GSE1: variants seen among roughly 807,000 people sequenced by gnomAD.
The protein encoded by GSE1 is Gse1 coiled-coil protein, also known as genetic suppressor element 1.
A neutral mutation model predicts 112.6 loss-of-function variants in GSE1; 32 were observed. The ratio of observed to expected loss-of-function variants is 0.28; its 90% CI spans 0.21 to 0.38. GSE1 has a LOEUF of 0.38. Ranked by LOEUF, GSE1 falls within the 10% of genes least tolerant of loss-of-function variation. The pLI, the probability that GSE1 is intolerant of heterozygous loss-of-function variation, is 1.00. For missense variants in GSE1, 2,348 were observed against 1,699.2 expected (o/e 1.38, Z -6.71); for synonymous variants, 1,115 against 735.6 (o/e 1.52, Z -8.35).
chr16:85,554,952 G>A (rs1024793909), upstream of GSE1: 4 of 985,286 alleles, frequency 4.1e-6, no homozygotes, highest in Admixed American at 6.1e-5. Flanking sequence ...CGGGTTTGGA[G>A]AGGCGAGCCC....
intron 1 of GSE1, among the ~76,000 whole-genome samples, chr16:85,220,133 G>T (rs562052655): frequency 1.4e-3 from 209 of 152,348 alleles, no homozygotes; most frequent in African/African-American, 4.9e-3. Context: ...CTTTCTCAAG[G>T]AGCACGGGGA....
At chr16:85,272,770 C>T (rs1445245981) in intron 1 of GSE1, among the ~76,000 whole-genome samples, 1 of 148,576 alleles carries the variant, frequency 6.7e-6, no homozygotes, top group Non-Finnish European at 1.5e-5. Context: ...TTGTTTTCTT[C>T]TCTTTTCTTT....
At chr16:85,493,114 C>A (rs1183195446) in intron 2 of GSE1, among the ~76,000 whole-genome samples, 1 of 152,138 alleles carries the variant, frequency 6.6e-6, no homozygotes, top group Non-Finnish European at 1.5e-5. Context: ...GCTGGTGAGC[C>A]CTGTGTTCTC....
chr16:85,241,332 G>C (rs955854165), intron 1 of GSE1, among the ~76,000 whole-genome samples: 1 of 152,224 alleles, frequency 6.6e-6, no homozygotes, highest in Non-Finnish European at 1.5e-5. Flanking sequence ...GCACCTGGCA[G>C]TTGCCCCCTG....
chr16:85,305,483 T>C (rs942603742), intron 1 of GSE1, among the ~76,000 whole-genome samples: 49 of 150,756 alleles, frequency 3.3e-4, no homozygotes, highest in African/African-American at 1.2e-3. Flanking sequence ...TTTTTTTGTT[T>C]GTTTGTTTTG....
chr16:85,223,381 A>G (rs1316975424), intron 1 of GSE1, among the ~76,000 whole-genome samples: 1 of 151,674 alleles, frequency 6.6e-6, no homozygotes, highest in Non-Finnish European at 1.5e-5. Context: ...AAATTAACTG[A>G]GTGTAATGTC....
chr16:85,331,533 A>ATGTGTATATG (rs368267189), intron 1 of GSE1, among the ~76,000 whole-genome samples: 1 of 109,900 alleles, frequency 9.1e-6, no homozygotes, highest in East Asian at 2.4e-4. Context: ...ATATGTGTAT[A>ATGTGTATATG]TGTGTATATG....
At position 85,229,772 on chromosome 16, in the gene GSE1, C is replaced by G. The variant is rs369665892; in HGVS notation, c.2283+57965C>G. On this transcript the variant is annotated intron_variant, in intron 1 of 2. Coordinates refer to the GSE1 transcript ENST00000637419. ...ACAACAAATGAGCTTTTCCTTAAATCAGAGTAAATCCAAATGTGATTCTCT... is the reference window on the plus strand; with the variant it reads ...ACAACAAATGAGCTTTTCCTTAAATGAGAGTAAATCCAAATGTGATTCTCT... Among the ~76,000 whole-genome samples, 4 of 152,336 alleles carry G rather than the reference C, an allele frequency of 2.6e-5. No individual in the cohort carries two copies. The East Asian group carries it at 7.7e-4, about 29-fold the overall frequency.
At chr16:85,318,889 G>A (rs1387322188) in intron 1 of GSE1, among the ~76,000 whole-genome samples, 1 of 152,256 alleles carries the variant, frequency 6.6e-6, no homozygotes, top group Non-Finnish European at 1.5e-5. Context: ...AGGGTGAGAT[G>A]TTGGTAAATG....
chr16:85,269,182 A>T (rs35013525), intron 1 of GSE1, among the ~76,000 whole-genome samples: 26,770 of 148,856 alleles, frequency 0.18, 5,153 homozygotes, highest in African/African-American at 0.43. Context: ...ATATGGAGAG[A>T]TGAAAATAAA....
chr16:85,272,842 T>C (rs2144194363), intron 1 of GSE1, among the ~76,000 whole-genome samples: 1 of 151,290 alleles, frequency 6.6e-6, no homozygotes, highest in South Asian at 2.1e-4. Flanking sequence ...AATGACATGA[T>C]CTCTGCTCAC....
intron 13 of GSE1, chr16:85,666,553 A>C (rs1256315313): frequency 5.0e-6 from 3 of 601,628 alleles, no homozygotes; most frequent in Non-Finnish European, 8.8e-6. Flanking sequence ...GTAGGTGAGA[A>C]ACGTTTGTAG....
intron 2 of GSE1, among the ~76,000 whole-genome samples, chr16:85,440,142 G>T (rs1334441974): frequency 6.6e-6 from 1 of 152,244 alleles, no homozygotes; most frequent in Non-Finnish European, 1.5e-5. Flanking sequence ...GTAAATGTTT[G>T]TCGAGTCAGT....
intron 2 of GSE1, among the ~76,000 whole-genome samples, chr16:85,408,019 G>T (rs1412948048): frequency 2.0e-5 from 1 of 50,592 alleles, no homozygotes; most frequent in East Asian, 7.9e-4. Flanking sequence ...AATCCTCACT[G>T]TTACACTCAG....
chr16:85,562,055 G>T (rs1389177051), intron 1 of GSE1, among the ~76,000 whole-genome samples: 2 of 152,360 alleles, frequency 1.3e-5, no homozygotes, highest in South Asian at 4.1e-4. Flanking sequence ...TAGCTGTGGC[G>T]CCGGAGCCAC....
chr16:85,557,180 C>T (rs13337338), intron 1 of GSE1, among the ~76,000 whole-genome samples: 45,475 of 152,010 alleles, frequency 0.3, 7,346 homozygotes, highest in Non-Finnish European at 0.37. Context: ...GGGTGGTGAA[C>T]CCCAGGGTTC....
intron 2 of GSE1, among the ~76,000 whole-genome samples, chr16:85,638,455 C>G (rs16975765): frequency 0.048 from 7,251 of 152,308 alleles, 252 homozygotes; most frequent in African/African-American, 0.093. Flanking sequence ...GCTTGCGAAT[C>G]GCCGATGCAT....
chr16:85,455,381 AAG>A (rs147528394), intron 2 of GSE1, among the ~76,000 whole-genome samples: 299 of 148,316 alleles, frequency 2.0e-3, no homozygotes, highest in Middle Eastern at 7.0e-3. Flanking sequence ...GGCATTACAA[AAG>A]AGAGAGAGAG....
chr16:85,662,709 C>T (rs2052533611), intron 9 of GSE1: 4 of 463,938 alleles, frequency 8.6e-6, no homozygotes, highest in Non-Finnish European at 7.7e-6. Context: ...GGTTCCCTGC[C>T]AGGGGGAGGA....
Sources: gnomAD v4.1 joint callset for allele counts (sites outside exome capture counted in the v4.1 genomes callset) on GRCh38, gnomAD v4.1.1 for gene constraint, MANE v1.5 for transcripts, NCBI Gene and HGNC (gene_info 2026-07-23, HGNC 2026-07-21) for gene names.